The following TLR2 variants were observed in gnomAD, a reference collection of about 807,000 sequenced individuals.
TLR2 encodes toll like receptor 2.
TLR2 carries 7 observed loss-of-function variants against 9.1 expected under a neutral mutation model. The observed-to-expected ratio is 0.77, with a 90% CI of 0.44 to 1.44. The LOEUF is 1.44. Among genes scored for constraint, TLR2 ranks in the 40% most tolerant of loss-of-function variants. The pLI, the probability that TLR2 is intolerant of heterozygous loss-of-function variation, is 0.01. For missense variants in TLR2, 812 were observed against 904.6 expected (o/e 0.90, Z 1.31); for synonymous variants, 317 against 344.6 (o/e 0.92, Z 0.89).
In TLR2 at chr4:153,702,762, T is replaced by TTGTGTGTGTGTG. The variant is rs141605367; in HGVS notation, c.-16-96_-16-85dup. Reference sequence around the variant, plus strand: ...CATCTGTTTCTCTCTCTCTCTCTCTTTGTGTGTGTGTGTGTGTGTGTGTGT... The same window carrying TTGTGTGTGTGTG: ...CATCTGTTTCTCTCTCTCTCTCTCTTTGTGTGTGTGTGTGTGTGTGTGTGTGTGTGTGTGTGT... On this transcript the variant is annotated intron_variant, in intron 2 of 2. Transcript: ENST00000642700. 674 of 417,118 alleles carry TTGTGTGTGTGTG rather than the reference T, an allele frequency of 1.6e-3. 1 individual carries two copies. The highest frequency in any genetic ancestry group is 3.1e-3 in the South Asian group (78 of 24,924). 25.8% of individuals were successfully genotyped at this position (417,118 alleles called of 1,614,324 possible).
At chr4:153,694,761 A>T (rs1053821515) in intron 2 of TLR2, among the ~76,000 whole-genome samples, 1 of 152,164 alleles carries the variant, frequency 6.6e-6, no homozygotes, top group Admixed American at 6.5e-5. Context: ...CAAAGAATAA[A>T]TCTTATTCAT....
At chr4:153,710,110 C>T, downstream of TLR2, 1 of 292,790 alleles carries the variant, frequency 3.4e-6, no homozygotes. Flanking sequence ...GTAGAATGTC[C>T]ACAGTGCAGT....
Position 153,687,718 on chromosome 4 carries a change from C to T in TLR2, c.-162-184C>T, listed in dbSNP as rs5743692. Among the ~76,000 whole-genome samples, 757 of 152,174 alleles carry T rather than the reference C, an allele frequency of 5.0e-3. 7 individuals are homozygous for T. Among genetic ancestry groups the T allele is most frequent in the African/African-American group, 0.017 (725 of 41,522 alleles). On this transcript the variant is annotated intron_variant, in intron 1 of 2. Transcript: ENST00000642700. ...CAAGGTAAATGCCTATTACACCATACCCAAATAAGGCAGACTCCTAGCTGA... is the reference window on the plus strand; with the variant it reads ...CAAGGTAAATGCCTATTACACCATATCCAAATAAGGCAGACTCCTAGCTGA...
chr4:153,704,911 C>A lies in TLR2; in HGVS notation c.2004C>A (p.Pro668=). 3 of 1,613,264 alleles carry A rather than the reference C, an allele frequency of 1.9e-6. No homozygotes were observed. The South Asian group carries it at 3.3e-5, about 18-fold the overall frequency. Residue 668 remains proline (P), a synonymous_variant, in exon 3 of 3, where the codon CCC becomes CCA. Transcript: ENST00000642700. ...TCCAGGAGCTGGAGAACTTCAATCC[C>A]CCCTTCAAGTTGTGTCTTCATAAGC... The part of the protein sequence containing the change: ...LMVQELENFN[P]PFKLCLHKRD...
intron 1 of TLR2, among the ~76,000 whole-genome samples, chr4:153,684,594 G>A (rs900684037): frequency 3.3e-5 from 5 of 152,254 alleles, no homozygotes; most frequent in Non-Finnish European, 7.3e-5. Context: ...GGACACCAGC[G>A]AAGCCGGCTC....
At chr4:153,698,399 T>C (rs1260492309) in intron 2 of TLR2, among the ~76,000 whole-genome samples, 2 of 152,184 alleles carry the variant, frequency 1.3e-5, no homozygotes, top group East Asian at 3.8e-4. Flanking sequence ...CCTATTTAAA[T>C]GAACAGCATC....
downstream of TLR2, among the ~76,000 whole-genome samples, chr4:153,707,813 A>T (rs1737381401): frequency 1.3e-5 from 2 of 150,650 alleles, no homozygotes; most frequent in Non-Finnish European, 3.0e-5. Context: ...GTGGTGGCTT[A>T]TGCCTGTAAT....
At chr4:153,694,102 C>G (rs1347274802) in intron 2 of TLR2, among the ~76,000 whole-genome samples, 1 of 152,236 alleles carries the variant, frequency 6.6e-6, no homozygotes, top group Admixed American at 6.5e-5. Flanking sequence ...AGCATTATTT[C>G]TGTAGATTAT....
chr4:153,699,339 T>A (rs1449549320), intron 2 of TLR2, among the ~76,000 whole-genome samples: 3 of 152,162 alleles, frequency 2.0e-5, no homozygotes, highest in African/African-American at 7.2e-5. Flanking sequence ...CAACTGAAAA[T>A]TTGACATTGT....
At chr4:153,690,672 G>C (rs537194416) in intron 2 of TLR2, among the ~76,000 whole-genome samples, 1 of 152,356 alleles carries the variant, frequency 6.6e-6, no homozygotes, top group Admixed American at 6.5e-5. Context: ...GATGAGGAAT[G>C]CACCATTTGG....
At chr4:153,700,551 C>T (rs1736813752) in intron 2 of TLR2, among the ~76,000 whole-genome samples, 1 of 152,048 alleles carries the variant, frequency 6.6e-6, no homozygotes, top group Non-Finnish European at 1.5e-5. Flanking sequence ...TCTCAGTGGA[C>T]TTTGTTTTTT....
chr4:153,690,639 G>A (rs540027726), intron 2 of TLR2, among the ~76,000 whole-genome samples: 4 of 152,318 alleles, frequency 2.6e-5, no homozygotes, highest in South Asian at 2.1e-4. Context: ...TCCAATCCTC[G>A]AGGATTAACT....
chr4:153,703,603 T>A lies in TLR2; in HGVS notation c.696T>A (p.Thr232=), dbSNP rs1579003889. 1.9e-6 allele frequency: 3 copies of A among 1,614,078 alleles called. No homozygotes were observed. Among genetic ancestry groups the A allele is most frequent in the Non-Finnish European group, 2.5e-6 (3 of 1,180,000 alleles). ...SSVECLELRD[T]DLDTFHFSEL... ...TGGAATGTTTGGAACTGCGAGATAC[T>A]GATTTGGACACTTTCCATTTTTCAG... The change falls in exon 3 of 3, where the codon ACT becomes ACA. Residue 232 remains threonine, a synonymous_variant. Transcript: ENST00000642700.
intron 2 of TLR2, among the ~76,000 whole-genome samples, chr4:153,689,676 C>G (rs187520121): frequency 1.3e-5 from 2 of 152,158 alleles, no homozygotes; most frequent in Non-Finnish European, 2.9e-5. Context: ...TGATTACATC[C>G]AGGCATTATT....
downstream of TLR2, chr4:153,710,323 C>G: frequency 6.9e-7 from 1 of 1,444,888 alleles, no homozygotes; most frequent in Non-Finnish European, 9.2e-7. Context: ...AAATGTTGGA[C>G]CAAGGATTTC....
chr4:153,685,754 G>GA (rs760921720), intron 1 of TLR2, among the ~76,000 whole-genome samples: 3 of 152,016 alleles, frequency 2.0e-5, no homozygotes, highest in Non-Finnish European at 4.4e-5. Flanking sequence ...TAACAGAGTA[G>GA]AAAAAATCTA....
chr4:153,710,308 A>G (rs768327427), downstream of TLR2: 16 of 1,334,678 alleles, frequency 1.2e-5, no homozygotes, highest in African/African-American at 1.5e-5. Context: ...AAAAAAATTA[A>G]TATTAAATGT....
intron 2 of TLR2, among the ~76,000 whole-genome samples, chr4:153,701,132 A>G (rs919128325): frequency 1.8e-4 from 27 of 152,244 alleles, no homozygotes; most frequent in Admixed American, 1.4e-3. Context: ...CAAAAGTACT[A>G]TAGTTTGAAT....
intron 2 of TLR2, among the ~76,000 whole-genome samples, chr4:153,698,027 G>T (rs78690457): frequency 2.0e-5 from 3 of 152,048 alleles, no homozygotes; most frequent in Non-Finnish European, 4.4e-5. Flanking sequence ...TTTTACTCTG[G>T]TACTTTCCGG....
Sources: gnomAD v4.1 joint callset for allele counts (sites outside exome capture counted in the v4.1 genomes callset) on GRCh38, gnomAD v4.1.1 for gene constraint, MANE v1.5 for transcripts, NCBI Gene and HGNC (gene_info 2026-07-23, HGNC 2026-07-21) for gene names.